The following PTPRT variants were observed in gnomAD, a reference collection of about 807,000 sequenced individuals.
PTPRT encodes protein tyrosine phosphatase receptor type T.
A neutral mutation model predicts 176.8 loss-of-function variants in PTPRT; 56 were observed. That is an observed-to-expected ratio of 0.32 (90% CI 0.26 to 0.40). The LOEUF (loss-of-function observed/expected upper bound fraction) is 0.40. Among genes scored for constraint, PTPRT ranks in the 10% least tolerant of loss-of-function variants. PTPRT has a pLI of 1.00. For synonymous variants in PTPRT, 783 were observed against 739.0 expected (o/e 1.06, Z -0.96); for missense variants, 1,540 against 1,908.2 (o/e 0.81, Z 3.60).
chr20:42,245,793 T>C (rs773070844), intron 14 of PTPRT, among the ~76,000 whole-genome samples: 3 of 152,038 alleles, frequency 2.0e-5, no homozygotes, highest in Non-Finnish European at 4.4e-5. Flanking sequence ...TCTGGAAACA[T>C]CTGTGGTTAT....
chr20:42,597,574 T>C (rs1343975882), intron 7 of PTPRT, among the ~76,000 whole-genome samples: 2 of 152,168 alleles, frequency 1.3e-5, no homozygotes, highest in African/African-American at 4.8e-5. Context: ...TAGAAGTGTC[T>C]AGCACCTCCT....
rs1568971604 is a variant in PTPRT, at chr20:42,149,407, A to G, written c.2683-7405T>C. Among the ~76,000 whole-genome samples the G allele has an allele frequency of 2.3e-5, 3 of 129,956 alleles. No homozygotes were observed. The South Asian group carries it at 8.4e-4, about 36-fold the overall frequency. The allele number at this position is 129,956 out of a possible 152,430, so 85.3% of individuals were successfully genotyped here. ...AGAACGTGAGTTTTATTATAATTCA[A>G]TGGGAAAGTTTTGGATTTTTTTTTT... On this transcript the variant is annotated intron_variant, in intron 17 of 30. Coordinates refer to ENST00000373187, the MANE Select transcript of PTPRT (RefSeq NM_007050.6).
chr20:42,805,345 G>C (rs916188438), intron 2 of PTPRT, among the ~76,000 whole-genome samples: 1 of 152,158 alleles, frequency 6.6e-6, no homozygotes, highest in Non-Finnish European at 1.5e-5. Flanking sequence ...GCTTAATGGG[G>C]GATAACAGTT....
At chr20:42,165,417 A>G (rs981424059) in intron 16 of PTPRT, among the ~76,000 whole-genome samples, 1 of 152,226 alleles carries the variant, frequency 6.6e-6, no homozygotes, top group Non-Finnish European at 1.5e-5. Flanking sequence ...TGCGTGAATA[A>G]GCCTAAGATA....
intron 11 of PTPRT, among the ~76,000 whole-genome samples, chr20:42,323,697 C>A (rs2145410253): frequency 6.6e-6 from 1 of 152,022 alleles, no homozygotes; most frequent in South Asian, 2.1e-4. Context: ...ACCAGCATGG[C>A]ACATGTATAC....
Position 42,094,767 on chromosome 20 carries a change from G to A in PTPRT, c.3846+3654C>T, listed in dbSNP as rs541840766. On this transcript the variant is annotated intron_variant, in intron 27 of 30. Coordinates refer to ENST00000373187, the MANE Select transcript of PTPRT (RefSeq NM_007050.6). ...TAGCTGGCTGTGGTGGCTCACCCCTGTAATCCCAGCTACTTGGGAGGCTGA... is the reference window on the plus strand; with the variant it reads ...TAGCTGGCTGTGGTGGCTCACCCCTATAATCCCAGCTACTTGGGAGGCTGA... 8.5e-4 allele frequency among the ~76,000 whole-genome samples: 130 copies of A among 152,238 alleles called. 2 individuals are homozygous for A. Among genetic ancestry groups the A allele is most frequent in the Non-Finnish European group, 5.9e-5 (4 of 68,014 alleles).
intron 11 of PTPRT, among the ~76,000 whole-genome samples, chr20:42,349,504 A>T (rs902657648): frequency 3.9e-5 from 6 of 152,108 alleles, no homozygotes; most frequent in South Asian, 2.1e-4. Context: ...CCCCAACTAG[A>T]GTTTGACTTT....
rs527371987 is a variant in PTPRT at position 43,060,446 on chromosome 20, G to A, written c.88+129200C>T. ...TTTCCTGGCCTAATCATCTCCCAAA[G>A]GCCCCACCTCCAAGTAACACACATC... is the stretch of plus-strand genomic sequence containing the variant. On this transcript the variant is annotated intron_variant, in intron 1 of 30. Transcript: ENST00000373187. Among the ~76,000 whole-genome samples, 41 of 152,192 alleles carry A rather than the reference G, an allele frequency of 2.7e-4. No individual in the cohort carries two copies. In the South Asian group the frequency reaches 8.5e-3, roughly 32 times the overall value.
chr20:43,008,904 A>C lies in PTPRT; in HGVS notation c.89-122972T>G, dbSNP rs1045391503. On this transcript the variant is annotated intron_variant, in intron 1 of 30. Coordinates refer to ENST00000373187, the MANE Select transcript of PTPRT (RefSeq NM_007050.6). ...CTGTGTTCTGTGATAGTCAGAGTGA[A>C]CATTAAGCTACCTTGGTCACTCAAG... 3.3e-5 allele frequency among the ~76,000 whole-genome samples: 5 copies of C among 152,240 alleles called. No homozygotes were observed. The South Asian group carries it at 1.0e-3, about 32-fold the overall frequency.
intron 15 of PTPRT, among the ~76,000 whole-genome samples, chr20:42,202,894 C>T (rs1204444139): frequency 6.6e-6 from 1 of 152,064 alleles, no homozygotes; most frequent in African/African-American, 2.4e-5. Flanking sequence ...GAAAGCCTTG[C>T]TGCTTTTATG....
chr20:42,990,524 G>T (rs1203798529), intron 1 of PTPRT, among the ~76,000 whole-genome samples: 1 of 152,136 alleles, frequency 6.6e-6, no homozygotes, highest in Non-Finnish European at 1.5e-5. Context: ...GAGCCATAGT[G>T]TATATCAAGG....
At chr20:42,965,712 A>G (rs1472104749) in intron 1 of PTPRT, among the ~76,000 whole-genome samples, 1 of 152,226 alleles carries the variant, frequency 6.6e-6, no homozygotes, top group Non-Finnish European at 1.5e-5. Flanking sequence ...AGAGGCACAC[A>G]AAGCTCACAG....
intron 1 of PTPRT, among the ~76,000 whole-genome samples, chr20:42,967,400 C>T (rs1178116171): frequency 1.3e-5 from 2 of 152,102 alleles, no homozygotes; most frequent in Non-Finnish European, 2.9e-5. Flanking sequence ...GGAAAAGACA[C>T]AGACACGTGG....
intron 2 of PTPRT, among the ~76,000 whole-genome samples, chr20:42,876,598 G>A (rs1011206185): frequency 2.0e-5 from 3 of 152,098 alleles, no homozygotes; most frequent in Admixed American, 6.5e-5. Context: ...GCTCAGAGTC[G>A]GGCTCAAGAC....
chr20:42,259,759 G>A (rs978906151), intron 13 of PTPRT, among the ~76,000 whole-genome samples: 8 of 152,218 alleles, frequency 5.3e-5, no homozygotes, highest in Non-Finnish European at 7.3e-5. Context: ...GTTTAGAAGT[G>A]TTATGGCAGT....
At chr20:42,098,705 G>T (rs1470515441) in intron 26 of PTPRT, among the ~76,000 whole-genome samples, 153 bp from the exon 27 acceptor site, 1 of 152,214 alleles carries the variant, frequency 6.6e-6, no homozygotes, top group Admixed American at 6.5e-5. Flanking sequence ...ACGCCCTGGC[G>T]GCAAAGGGGA....
rs751210302 is a variant in PTPRT, at chr20:42,264,881, C to A, written c.2177-16059G>T. ...TCTTACCTATTTCCTCCACCACTCACGTTTCTCAGAAACCACAGTTCTGGC... is the reference window on the plus strand; with the variant it reads ...TCTTACCTATTTCCTCCACCACTCAAGTTTCTCAGAAACCACAGTTCTGGC... On this transcript the variant is annotated intron_variant, in intron 13 of 30. Coordinates refer to ENST00000373187, the MANE Select transcript of PTPRT (RefSeq NM_007050.6). Among the ~76,000 whole-genome samples, 112 of 152,234 alleles carry A rather than the reference C, an allele frequency of 7.4e-4. 1 individual carries two copies. The highest frequency in any genetic ancestry group is 1.9e-4 in the Non-Finnish European group (13 of 68,040).
intron 9 of PTPRT, among the ~76,000 whole-genome samples, chr20:42,441,568 T>C (rs912743736): frequency 6.6e-6 from 1 of 152,174 alleles, no homozygotes; most frequent in Non-Finnish European, 1.5e-5. Flanking sequence ...TCTGTCTGGC[T>C]GCAGTGTGGA....
At chr20:42,953,847 G>A (rs1312098685) in intron 1 of PTPRT, among the ~76,000 whole-genome samples, 1 of 152,154 alleles carries the variant, frequency 6.6e-6, no homozygotes, top group Non-Finnish European at 1.5e-5. Context: ...CCAGTGCTTT[G>A]TAGGGTGCTT....
Sources: allele counts gnomAD v4.1 joint callset (sites outside exome capture counted in the v4.1 genomes callset), GRCh38; gene constraint gnomAD v4.1.1; transcripts MANE v1.5; gene names NCBI Gene and HGNC (gene_info 2026-07-23, HGNC 2026-07-21).